Variants in SEMA3A observed in about 807,000 individuals in gnomAD.
The protein encoded by SEMA3A is semaphorin-3A.
In SEMA3A, 29 loss-of-function variants were observed where a neutral mutation model predicts 97.9. The observed-to-expected ratio is 0.30, with a 90% CI of 0.22 to 0.40. The LOEUF (loss-of-function observed/expected upper bound fraction) is 0.40. Ranked by LOEUF, SEMA3A falls within the 10% of genes least tolerant of loss-of-function variation. The pLI is 1.00. For missense variants in SEMA3A, 763 were observed against 951.3 expected, an observed-to-expected ratio of 0.80 and a Z score of 2.60; for synonymous variants, 321 against 323.7, an observed-to-expected ratio of 0.99 and a Z score of 0.09.
chr7:84,158,029 T>G (rs17158680), intron 1 of SEMA3A, among the ~76,000 whole-genome samples: 9,735 of 152,140 alleles, frequency 0.064, 662 homozygotes, highest in African/African-American at 0.17. Flanking sequence ...TAGAGATAAG[T>G]TTCTTTTCTG....
At chr7:84,321,910 A>AAGG (rs1801658984) in intron 2 of SEMA3A, among the ~76,000 whole-genome samples, 1 of 143,810 alleles carries the variant, frequency 7.0e-6, no homozygotes, top group African/African-American at 2.6e-5. Flanking sequence ...GAAGAAGAAG[A>AAGG]AGGAGGAAAT....
In SEMA3A at chr7:84,056,377, C is replaced by T. The variant is rs1792977240; in HGVS notation, c.547+4088G>A. Among the ~76,000 whole-genome samples, 4 of 152,150 alleles carry T rather than the reference C, an allele frequency of 2.6e-5. No individual in the cohort carries two copies. The South Asian group carries it at 8.3e-4, about 32-fold the overall frequency. On this transcript the variant is annotated intron_variant, in intron 5 of 16. Transcript: ENST00000265362. ...TCAGTGAATGTATTGGATTACAATT[C>T]CTAAGAAGGGTGTGGTGAGGAGAAA...
At chr7:84,045,468 A>G (rs577714641) in intron 6 of SEMA3A, among the ~76,000 whole-genome samples, 6 of 151,966 alleles carry the variant, frequency 3.9e-5, no homozygotes, top group African/African-American at 1.4e-4. Flanking sequence ...CATGATTAAT[A>G]TAGTAGGGAC....
intron 2 of SEMA3A, among the ~76,000 whole-genome samples, chr7:84,356,701 G>T (rs894961964): frequency 1.3e-5 from 2 of 151,728 alleles, no homozygotes; most frequent in Non-Finnish European, 2.9e-5. Flanking sequence ...GTACATACTA[G>T]GAAGTCTATA....
intron 1 of SEMA3A, among the ~76,000 whole-genome samples, chr7:84,464,412 T>C (rs1379470844): frequency 1.3e-5 from 2 of 152,156 alleles, no homozygotes; most frequent in South Asian, 2.1e-4. Context: ...ATGAAGAGCA[T>C]GCCTGGGAAG....
At chr7:84,039,097 G>A (rs975186793) in intron 6 of SEMA3A, among the ~76,000 whole-genome samples, 1 of 151,932 alleles carries the variant, frequency 6.6e-6, no homozygotes, top group Admixed American at 6.6e-5. Context: ...TGTCTACTTT[G>A]CATAGAGGTG....
intron 2 of SEMA3A, among the ~76,000 whole-genome samples, chr7:84,340,781 G>T (rs1351515324): frequency 8.0e-5 from 1 of 12,546 alleles, no homozygotes; most frequent in South Asian, 9.8e-3. Context: ...ACTCCATCTC[G>T]GAAAAAAAAA....
intron 1 of SEMA3A, among the ~76,000 whole-genome samples, chr7:84,412,008 C>T (rs746174307): frequency 9.2e-5 from 14 of 152,142 alleles, no homozygotes; most frequent in Non-Finnish European, 1.6e-4. Context: ...TTCTACAACA[C>T]TTCTTGCTTT....
intron 1 of SEMA3A, among the ~76,000 whole-genome samples, chr7:84,435,277 ACAC>A (rs1187567081): frequency 6.6e-6 from 1 of 151,990 alleles, no homozygotes; most frequent in Non-Finnish European, 1.5e-5. Flanking sequence ...ACACACACAC[ACAC>A]TACCTGGGAA....
intron 4 of SEMA3A, among the ~76,000 whole-genome samples, chr7:84,098,601 G>A (rs1794850793): frequency 6.6e-6 from 1 of 152,018 alleles, no homozygotes; most frequent in Admixed American, 6.6e-5. Flanking sequence ...ATTTTACCAA[G>A]GTGACATACA....
intron 3 of SEMA3A, among the ~76,000 whole-genome samples, chr7:84,237,887 T>C (rs776912257): frequency 6.6e-6 from 1 of 152,122 alleles, no homozygotes; most frequent in Non-Finnish European, 1.5e-5. Context: ...TGCAGATTAG[T>C]GTGGGAATTC....
At chr7:84,171,079 T>C (rs996722100) in intron 1 of SEMA3A, among the ~76,000 whole-genome samples, 2 of 152,126 alleles carry the variant, frequency 1.3e-5, no homozygotes, top group African/African-American at 2.4e-5. Context: ...GAAATTGAGC[T>C]GCCAGTGATG....
At position 84,279,153 on chromosome 7, in the gene SEMA3A, A is replaced by T. The variant is rs112293555; in HGVS notation, c.-83+28054T>A. 2.2e-4 allele frequency among the ~76,000 whole-genome samples: 33 copies of T among 152,272 alleles called. 1 individual carries two copies. The highest frequency in any genetic ancestry group is 7.9e-4 in the African/African-American group (33 of 41,572). On this transcript the variant is annotated intron_variant, in intron 3 of 3. Coordinates refer to the SEMA3A transcript ENST00000424555. ...GAATGGGATATGTATTTAGTTTCAA[A>T]GTATCTCTCTTCAAAGTACTTACTG...
At chr7:84,260,492 T>C (rs1258046018) in intron 3 of SEMA3A, among the ~76,000 whole-genome samples, 2 of 151,408 alleles carry the variant, frequency 1.3e-5, no homozygotes, top group Non-Finnish European at 3.0e-5. Flanking sequence ...CCCTGCACTC[T>C]CCAGGGACCA....
At chr7:84,216,157 G>GGCTCACTGCCACCATCTTT (rs1298132215) in intron 3 of SEMA3A, among the ~76,000 whole-genome samples, 4 of 152,028 alleles carry the variant, frequency 2.6e-5, no homozygotes, top group African/African-American at 9.7e-5. Context: ...CCACCATCTC[G>GGCTCACTGCCACCATCTTT]GCTCACTGCC....
chr7:84,056,623 A>C (rs1227041171), intron 5 of SEMA3A, among the ~76,000 whole-genome samples: 1 of 150,558 alleles, frequency 6.6e-6, no homozygotes, highest in African/African-American at 2.4e-5. Flanking sequence ...ACACACAGAA[A>C]CACACACACA....
At chr7:84,424,371 T>C (rs1228322210) in intron 1 of SEMA3A, among the ~76,000 whole-genome samples, 1 of 137,806 alleles carries the variant, frequency 7.3e-6, no homozygotes, top group Non-Finnish European at 1.5e-5. Flanking sequence ...AAAATAATAA[T>C]ATAATATACA....
chr7:84,022,847 G>A (rs1391210758), intron 6 of SEMA3A, among the ~76,000 whole-genome samples: 7 of 152,022 alleles, frequency 4.6e-5, no homozygotes, highest in African/African-American at 1.2e-4. Context: ...CAGATACCAC[G>A]GCCATTTTGC....
At chr7:84,490,468 C>T (rs1484493963) in intron 1 of SEMA3A, among the ~76,000 whole-genome samples, 1 of 152,008 alleles carries the variant, frequency 6.6e-6, no homozygotes, top group African/African-American at 2.4e-5. Context: ...CCATACAGTG[C>T]CTTTTAAAAG....
Sources: allele counts gnomAD v4.1 joint callset (sites outside exome capture counted in the v4.1 genomes callset), GRCh38; gene constraint gnomAD v4.1.1; transcripts MANE v1.5; gene names NCBI Gene and HGNC (gene_info 2026-07-23, HGNC 2026-07-21).